CCDC33: variants seen among roughly 807,000 people sequenced by gnomAD.
The protein encoded by CCDC33 is coiled-coil domain-containing protein 33.
Under a neutral mutation model 91.9 loss-of-function variants are expected in CCDC33, and 94 were observed. The observed-to-expected ratio is 1.02, with a 90% CI of 0.87 to 1.21. The LOEUF (loss-of-function observed/expected upper bound fraction) is 1.21, where lower values mean the gene tolerates loss of function less well. Ranked by LOEUF, CCDC33 falls within the 50% of genes most tolerant of loss-of-function variation. The pLI, the probability that CCDC33 is intolerant of heterozygous loss-of-function variation, is 0.00. For missense variants in CCDC33, 940 were observed against 935.5 expected (o/e 1.00, Z -0.06); for synonymous variants, 396 against 374.5 (o/e 1.06, Z -0.66).
intron 3 of CCDC33, among the ~76,000 whole-genome samples, chr15:74,264,878 C>T (rs1225624128): frequency 6.6e-6 from 1 of 152,172 alleles, no homozygotes; most frequent in Non-Finnish European, 1.5e-5. Flanking sequence ...GGTTAAATTA[C>T]TTGCTAACAG....
chr15:74,318,091 T>G (rs1109438), intron 11 of CCDC33, among the ~76,000 whole-genome samples: 123,473 of 143,454 alleles, frequency 0.86, 53,823 homozygotes, highest in Non-Finnish European at 0.93. Context: ...TGCTGCGGGG[T>G]GGGGAGGACT....
intron 1 of CCDC33, chr15:74,209,158 C>T (rs1299510920): frequency 1.5e-6 from 2 of 1,291,444 alleles, no homozygotes; most frequent in South Asian, 1.9e-5. Context: ...AGCTCAGGCA[C>T]AGAGCAGGGG....
At chr15:74,255,812 C>T (rs777794374) in intron 2 of CCDC33, among the ~76,000 whole-genome samples, 9 of 152,370 alleles carry the variant, frequency 5.9e-5, no homozygotes, top group East Asian at 1.9e-4. Context: ...TTTGGGGACA[C>T]GCTCTTGGGA....
At chr15:74,256,517 A>G (rs1013531546) in intron 2 of CCDC33, among the ~76,000 whole-genome samples, 2 of 152,078 alleles carry the variant, frequency 1.3e-5, no homozygotes, top group South Asian at 2.1e-4. Context: ...CCAGGCCCAC[A>G]CCTTCCAAGG....
intron 10 of CCDC33, among the ~76,000 whole-genome samples, chr15:74,286,633 T>C (rs2059480067): frequency 6.6e-6 from 1 of 152,084 alleles, no homozygotes; most frequent in Non-Finnish European, 1.5e-5. Context: ...GTTCATGCCG[T>C]CATCTGGGTA....
At chr15:74,253,915 T>C (rs2075785598) in intron 2 of CCDC33, among the ~76,000 whole-genome samples, 1 of 151,658 alleles carries the variant, frequency 6.6e-6, no homozygotes, top group East Asian at 1.9e-4. Flanking sequence ...GGGGTTTCAC[T>C]GTGTTGCCCA....
intron 10 of CCDC33, among the ~76,000 whole-genome samples, chr15:74,295,547 G>C (rs951371751): frequency 6.6e-6 from 1 of 152,130 alleles, no homozygotes; most frequent in Non-Finnish European, 1.5e-5. Flanking sequence ...AGGCAGGAGC[G>C]AGCTTGGCTT....
At chr15:74,292,100 A>G (rs2142571060) in intron 10 of CCDC33, among the ~76,000 whole-genome samples, 1 of 152,386 alleles carries the variant, frequency 6.6e-6, no homozygotes, top group East Asian at 1.9e-4. Flanking sequence ...GTCAGCCCCA[A>G]GCTGCCCCAG....
intron 1 of CCDC33, among the ~76,000 whole-genome samples, chr15:74,242,185 G>T (rs1224822436): frequency 6.6e-6 from 1 of 152,256 alleles, no homozygotes; most frequent in East Asian, 1.9e-4. Flanking sequence ...GCAGCTTCCA[G>T]ATAGGTCGGT....
intron 11 of CCDC33, among the ~76,000 whole-genome samples, chr15:74,320,478 A>T (rs2142813218): frequency 6.6e-6 from 1 of 152,060 alleles, no homozygotes; most frequent in Middle Eastern, 3.4e-3. Context: ...CCCACCGGGA[A>T]CTCTCTGAGT....
At chr15:74,274,491 T>A (rs1488487665) in intron 7 of CCDC33, among the ~76,000 whole-genome samples, 1 of 152,192 alleles carries the variant, frequency 6.6e-6, no homozygotes. Context: ...GAGCCCAGGC[T>A]TCATTTAAAG....
upstream of CCDC33, among the ~76,000 whole-genome samples, chr15:74,233,868 C>T (rs2075061425): frequency 6.6e-6 from 1 of 152,346 alleles, no homozygotes; most frequent in Admixed American, 6.5e-5. Context: ...ATCACACTGC[C>T]TACATTTCCC....
At position 74,244,072 on chromosome 15, in the gene CCDC33, A is replaced by T. The variant is rs2075439899; in HGVS notation, c.109A>T (p.Ile37Phe). Reference sequence around the variant, plus strand: ...CCTGTCTCCCTCTAAGAAGGAGACCATCATGGTCACCCTCCATGGGGCTAC... The same window carrying T: ...CCTGTCTCCCTCTAAGAAGGAGACCTTCATGGTCACCCTCCATGGGGCTAC... ...GHLSPSKKET[I>F]MVTLHGATNL... Residue 37 changes from isoleucine (I) to phenylalanine (F), a missense_variant, in exon 2 of 19, where the codon ATC (isoleucine) becomes TTC (phenylalanine). Coordinates refer to ENST00000398814, the MANE Select transcript of CCDC33 (RefSeq NM_025055.5). The surrounding 1 kb of genome is among the most constrained non-coding windows in gnomAD (Gnocchi z 4.2). 2 of 1,614,068 alleles carry T rather than the reference A, an allele frequency of 1.2e-6. No individual in the cohort carries two copies. Among genetic ancestry groups the T allele is most frequent in the Non-Finnish European group, 1.7e-6 (2 of 1,179,984 alleles).
At chr15:74,233,820 C>T (rs2075060122), upstream of CCDC33, among the ~76,000 whole-genome samples, 1 of 152,192 alleles carries the variant, frequency 6.6e-6, no homozygotes. Context: ...AACATTTTGC[C>T]CAAGATCACA....
chr15:74,313,274 G>T (rs1351356972), intron 11 of CCDC33, among the ~76,000 whole-genome samples: 1 of 152,106 alleles, frequency 6.6e-6, no homozygotes, highest in Non-Finnish European at 1.5e-5. Context: ...GCACCTCAAG[G>T]ATGCTTTCCC....
Position 74,330,246 on chromosome 15 carries a change from C to T in CCDC33, c.1348C>T (p.Arg450Trp), listed in dbSNP as rs555745406. Reference protein sequence around the residue: ...QKMAEDILSLRRQASILEGEN... With the variant: ...QKMAEDILSLWRQASILEGEN... ...GATGGCAGAGGACATCCTGTCTCTG[C>T]GGAGACAGGCCAGCATCCTGGAAGG... The change falls in exon 12 of 19, where the codon CGG becomes TGG. Residue 450 changes from arginine (R) to tryptophan (W), a missense_variant. Physicochemically the swap from Arg to Trp is moderately radical, Grantham distance 101 (BLOSUM62 -3). Coordinates refer to ENST00000398814, the MANE Select transcript of CCDC33 (RefSeq NM_025055.5). 14 of 1,612,918 alleles carry T rather than the reference C, an allele frequency of 8.7e-6. No individual in the cohort carries two copies. The highest frequency in any genetic ancestry group is 5.3e-5 in the African/African-American group (4 of 74,932).
chr15:74,306,806 C>T (rs367815618), intron 11 of CCDC33, among the ~76,000 whole-genome samples: 1 of 152,108 alleles, frequency 6.6e-6, no homozygotes, highest in Non-Finnish European at 1.5e-5. Context: ...GAGGTCACTC[C>T]GGGCAGAGGC....
intron 7 of CCDC33, among the ~76,000 whole-genome samples, chr15:74,279,596 C>T (rs1324970780): frequency 5.3e-5 from 8 of 151,828 alleles, no homozygotes; most frequent in East Asian, 1.9e-4. Context: ...AGTACAGTGG[C>T]GCAATCTCAT....
At chr15:74,268,247 C>T (rs771556699) in intron 4 of CCDC33, 95 bp from the exon 5 acceptor site, 68 of 874,222 alleles carry the variant, frequency 7.8e-5, no homozygotes, top group Non-Finnish European at 1.2e-4. Context: ...GGAGCAATGC[C>T]AAGTGATTGT....
Sources: gnomAD v4.1 joint callset for allele counts (sites outside exome capture counted in the v4.1 genomes callset) on GRCh38, gnomAD v4.1.1 for gene constraint, Gnocchi (gnomAD v3.1) non-coding constraint, MANE v1.5 for transcripts, NCBI Gene and HGNC (gene_info 2026-07-23, HGNC 2026-07-21) for gene names.